The following MNAT1 variants were observed in gnomAD, a reference collection of about 807,000 sequenced individuals.
MNAT1 encodes the protein MNAT1 component of CDK activating kinase, also known as CDK-activating kinase assembly factor MAT1.
MNAT1 carries 43 observed loss-of-function variants against 42.0 expected under a neutral mutation model. The observed-to-expected ratio is 1.02, with a 90% CI of 0.80 to 1.32. MNAT1 has a LOEUF of 1.32. Among genes scored for constraint, MNAT1 ranks in the 40% most tolerant of loss-of-function variants. The pLI, the probability that MNAT1 is intolerant of heterozygous loss-of-function variation, is 0.00. For missense variants in MNAT1, 306 were observed against 350.4 expected, an observed-to-expected ratio of 0.87 and a Z score of 1.01; for synonymous variants, 118 against 120.0, an observed-to-expected ratio of 0.98 and a Z score of 0.11.
chr14:60,762,194 C>G (rs1236745497), intron 1 of MNAT1, among the ~76,000 whole-genome samples: 1 of 152,140 alleles, frequency 6.6e-6, no homozygotes, highest in East Asian at 1.9e-4. Context: ...AATCATCTCT[C>G]TTTGTTTAGA....
intron 6 of MNAT1, among the ~76,000 whole-genome samples, chr14:60,861,870 T>C (rs528550133): frequency 3.3e-5 from 5 of 152,342 alleles, no homozygotes; most frequent in South Asian, 2.1e-4. Context: ...TTCTTAGAAC[T>C]CATGAAATTC....
chr14:60,823,407 C>T (rs893434694), intron 6 of MNAT1, among the ~76,000 whole-genome samples: 1 of 152,170 alleles, frequency 6.6e-6, no homozygotes, highest in African/African-American at 2.4e-5. Flanking sequence ...TAATGTTTAA[C>T]ATTCTGCTGC....
intron 6 of MNAT1, among the ~76,000 whole-genome samples, chr14:60,864,355 A>G (rs879066521): frequency 6.6e-6 from 1 of 152,004 alleles, no homozygotes; most frequent in African/African-American, 2.4e-5. Flanking sequence ...ACTTTCTGCT[A>G]TATCTTCACA....
At chr14:60,929,369 G>A (rs1017366580) in intron 7 of MNAT1, among the ~76,000 whole-genome samples, 1 of 151,406 alleles carries the variant, frequency 6.6e-6, no homozygotes, top group South Asian at 2.1e-4. Context: ...CTAACCAAAG[G>A]CCAAGAAGAT....
At chr14:60,742,720 T>C (rs1257124354) in intron 1 of MNAT1, among the ~76,000 whole-genome samples, 2 of 152,362 alleles carry the variant, frequency 1.3e-5, no homozygotes, top group Middle Eastern at 3.4e-3. Flanking sequence ...TTTCCTATTC[T>C]GGACCTTTCA....
Position 60,804,002 on chromosome 14 carries a change from A to G in MNAT1, c.317-4323A>G, listed in dbSNP as rs4151212. Among the ~76,000 whole-genome samples, 169 of 152,294 alleles carry G rather than the reference A, an allele frequency of 1.1e-3. No homozygotes were observed. In the East Asian group the frequency reaches 0.023, roughly 21 times the overall value. ...ATCTCAAAGGTTTATTCTTAGTTTC[A>G]TAATGAACAGATTATTCTTTTGGTG... is the stretch of plus-strand genomic sequence containing the variant. On this transcript the variant is annotated intron_variant, in intron 3 of 7. Transcript: ENST00000261245.
chr14:60,906,000 A>T (rs1198058575), intron 7 of MNAT1, among the ~76,000 whole-genome samples: 1 of 152,202 alleles, frequency 6.6e-6, no homozygotes, highest in African/African-American at 2.4e-5. Context: ...GGATAAAAGG[A>T]TGGATAGTGA....
intron 1 of MNAT1, among the ~76,000 whole-genome samples, chr14:60,784,074 T>G (rs2140316523): frequency 6.6e-6 from 1 of 151,484 alleles, no homozygotes; most frequent in Non-Finnish European, 1.5e-5. Context: ...TGACACAATC[T>G]CGGCTCACTG....
chr14:60,801,052 C>T lies in MNAT1; in HGVS notation c.316+2892C>T, dbSNP rs550396061. 1.4e-4 allele frequency among the ~76,000 whole-genome samples: 21 copies of T among 151,782 alleles called. No individual in the cohort carries two copies. In the South Asian group the frequency reaches 4.4e-3, roughly 32 times the overall value. On this transcript the variant is annotated intron_variant, in intron 3 of 7. Transcript: ENST00000261245. ...AAATGCTATGGGAATACAGATAAAG[C>T]AATTAACCTAGCACTGGGAAATAGA... is the stretch of plus-strand genomic sequence containing the variant.
chr14:60,932,208 T>G (rs539185635), intron 7 of MNAT1, among the ~76,000 whole-genome samples: 1 of 152,162 alleles, frequency 6.6e-6, no homozygotes, highest in East Asian at 1.9e-4. Flanking sequence ...ACATACTAGT[T>G]TTTAATTCGC....
Position 60,923,686 on chromosome 14 carries a change from C to T in MNAT1, c.809+43851C>T, listed in dbSNP as rs138058703. Among the ~76,000 whole-genome samples the T allele has an allele frequency of 3.9e-4, 60 of 152,110 alleles. No individual in the cohort carries two copies. In the East Asian group the frequency reaches 9.3e-3, roughly 24 times the overall value. On this transcript the variant is annotated intron_variant, in intron 7 of 7. Transcript: ENST00000261245. ...CATTAGCAAAAAATCCCTGGATTAA[C>T]GGATGGACATGGCATGGCACGGTGG...
At chr14:60,780,654 G>T (rs908035679) in intron 1 of MNAT1, 2 of 1,000,300 alleles carry the variant, frequency 2.0e-6, no homozygotes, top group Non-Finnish European at 3.0e-6. Context: ...CTGAAATCAA[G>T]TCATCTATAG....
At chr14:60,966,445 T>A (rs2036685007) in intron 7 of MNAT1, among the ~76,000 whole-genome samples, 1 of 152,240 alleles carries the variant, frequency 6.6e-6, no homozygotes, top group African/African-American at 2.4e-5. Context: ...ATAATAGTAG[T>A]CTCTAAAGTG....
intron 7 of MNAT1, 60 bp downstream of exon 7, chr14:60,879,895 T>A (rs2034515151): frequency 2.6e-6 from 4 of 1,552,014 alleles, no homozygotes; most frequent in East Asian, 4.5e-5. Flanking sequence ...TTGCTGTTCT[T>A]AACTGACATG....
chr14:60,905,973 C>T (rs1444030269), intron 7 of MNAT1, among the ~76,000 whole-genome samples: 3 of 152,268 alleles, frequency 2.0e-5, no homozygotes, highest in Admixed American at 6.5e-5. Context: ...ATAATTAGTA[C>T]TTTGAAGACA....
At chr14:60,791,124 C>T (rs942505237) in intron 1 of MNAT1, among the ~76,000 whole-genome samples, 2 of 152,028 alleles carry the variant, frequency 1.3e-5, no homozygotes, top group South Asian at 2.1e-4. Context: ...TACACAGCTC[C>T]GTTTTTCTGG....
rs189751721 is a variant in MNAT1 at position 60,760,565 on chromosome 14, C to T, written c.89+25614C>T. On this transcript the variant is annotated intron_variant, in intron 1 of 7. Transcript: ENST00000261245. ...TCTTAATGTTTGTGCTTTAAGCAAA[C>T]ACACAGGTTAAAGTTTTCATTTAAC... is the stretch of plus-strand genomic sequence containing the variant. Among the ~76,000 whole-genome samples the T allele has an allele frequency of 1.3e-3, 191 of 152,238 alleles. 1 individual carries two copies. Among genetic ancestry groups the T allele is most frequent in the African/African-American group, 4.4e-3 (182 of 41,552 alleles).
intron 7 of MNAT1, among the ~76,000 whole-genome samples, chr14:60,937,953 G>C (rs938360411): frequency 2.6e-5 from 4 of 152,264 alleles, no homozygotes; most frequent in African/African-American, 7.2e-5. Context: ...CACATCCCTT[G>C]TAGGTTGGAT....
chr14:60,900,076 CTCTCTCTT>C (rs2035042777), intron 7 of MNAT1, among the ~76,000 whole-genome samples: 1 of 150,476 alleles, frequency 6.6e-6, no homozygotes, highest in Admixed American at 6.7e-5. Context: ...CTCTCTCTCT[CTCTCTCTT>C]ACCTTGGACT....
Sources: allele counts gnomAD v4.1 joint callset (sites outside exome capture counted in the v4.1 genomes callset), GRCh38; gene constraint gnomAD v4.1.1; transcripts MANE v1.5; gene names NCBI Gene and HGNC (gene_info 2026-07-23, HGNC 2026-07-21).